CADPS2: variants seen among roughly 807,000 people sequenced by gnomAD.
CADPS2 encodes calcium-dependent secretion activator 2.
A neutral mutation model predicts 172.5 loss-of-function variants in CADPS2; 93 were observed. That is an observed-to-expected ratio of 0.54 (90% CI 0.46 to 0.64). The LOEUF is 0.64. Among genes scored for constraint, CADPS2 ranks in the 30% least tolerant of loss-of-function variants. The probability of loss-of-function intolerance (pLI) is 0.00; values close to 1 mark genes in which losing one functional copy is unlikely to be tolerated. For missense variants in CADPS2, 1,420 were observed against 1,565.9 expected, an observed-to-expected ratio of 0.91 and a Z score of 1.57; for synonymous variants, 546 against 555.2, an observed-to-expected ratio of 0.98 and a Z score of 0.23.
chr7:122,814,583 G>C (rs1424444755), intron 1 of CADPS2, among the ~76,000 whole-genome samples: 3 of 151,944 alleles, frequency 2.0e-5, no homozygotes, highest in East Asian at 3.9e-4. Flanking sequence ...AGTTTTATTG[G>C]AACACAGCCG....
At chr7:122,340,413 T>C (rs931148881) in intron 28 of CADPS2, among the ~76,000 whole-genome samples, 5 of 152,164 alleles carry the variant, frequency 3.3e-5, no homozygotes, top group African/African-American at 4.8e-5. Context: ...GCCCAATAAA[T>C]GCACAATGGT....
intron 7 of CADPS2, among the ~76,000 whole-genome samples, chr7:122,568,118 G>T (rs779308047): frequency 6.6e-6 from 1 of 152,064 alleles, no homozygotes; most frequent in Non-Finnish European, 1.5e-5. Context: ...AAAGCTGGGG[G>T]CTGGGCACAG....
At chr7:122,792,923 C>A (rs1795593087) in intron 1 of CADPS2, among the ~76,000 whole-genome samples, 1 of 152,150 alleles carries the variant, frequency 6.6e-6, no homozygotes, top group African/African-American at 2.4e-5. Flanking sequence ...TAATTCACCA[C>A]CAACTACATA....
chr7:122,590,107 C>T (rs1157121187), intron 6 of CADPS2, among the ~76,000 whole-genome samples: 2 of 151,674 alleles, frequency 1.3e-5, no homozygotes, highest in African/African-American at 2.4e-5. Context: ...AAAATCTACC[C>T]TAAAATTCAT....
At chr7:122,831,719 C>T (rs891051553) in intron 1 of CADPS2, among the ~76,000 whole-genome samples, 2 of 152,124 alleles carry the variant, frequency 1.3e-5, no homozygotes, top group Non-Finnish European at 2.9e-5. Flanking sequence ...AACTGTAGAT[C>T]CCTTTTTACT....
intron 6 of CADPS2, among the ~76,000 whole-genome samples, chr7:122,593,260 A>T (rs1041203257): frequency 3.3e-5 from 5 of 152,038 alleles, no homozygotes; most frequent in African/African-American, 1.2e-4. Context: ...AATTAGTGAT[A>T]CAAATACTAC....
At chr7:122,451,092 G>A (rs76962686) in intron 15 of CADPS2, among the ~76,000 whole-genome samples, 3,952 of 152,190 alleles carry the variant, frequency 0.026, 159 homozygotes, top group African/African-American at 0.091. Context: ...CCAGAGCTAG[G>A]GGGAAGAGAC....
intron 2 of CADPS2, chr7:122,698,616 C>A: frequency 6.2e-7 from 1 of 1,614,042 alleles, no homozygotes. Context: ...TAAGTGCAAG[C>A]CAGGTCTCTG....
At chr7:122,541,199 AT>A (rs35364064) in intron 8 of CADPS2, among the ~76,000 whole-genome samples, 2,349 of 137,998 alleles carry the variant, frequency 0.017, 34 homozygotes, top group African/African-American at 0.052. Flanking sequence ...TTATGAGATG[AT>A]TTTTTTTTTT....
intron 3 of CADPS2, among the ~76,000 whole-genome samples, chr7:122,661,806 G>C (rs1462621488): frequency 6.6e-6 from 1 of 152,150 alleles, no homozygotes; most frequent in African/African-American, 2.4e-5. Context: ...AATATCTACT[G>C]AATGTCTGAA....
intron 20 of CADPS2, among the ~76,000 whole-genome samples, chr7:122,397,224 A>G (rs554419149): frequency 7.3e-4 from 111 of 152,322 alleles, no homozygotes; most frequent in African/African-American, 2.6e-3. Context: ...GAATTTAAAG[A>G]AAATGAAGAT....
chr7:122,560,470 T>G (rs950253790), intron 7 of CADPS2, among the ~76,000 whole-genome samples: 6 of 152,190 alleles, frequency 3.9e-5, no homozygotes, highest in African/African-American at 1.2e-4. Context: ...GCTACATACA[T>G]CTCAGAGATG....
At chr7:122,379,874 GCTCTAGAAATAAA>G (rs2042785587) in intron 24 of CADPS2, among the ~76,000 whole-genome samples, 1 of 152,088 alleles carries the variant, frequency 6.6e-6, no homozygotes, top group African/African-American at 2.4e-5. Flanking sequence ...TTTTAAATGT[GCTCTAGAAATAAA>G]ATGAGCTCCC....
intron 25 of CADPS2, among the ~76,000 whole-genome samples, chr7:122,364,666 G>T (rs2040621149): frequency 6.6e-6 from 1 of 150,448 alleles, no homozygotes; most frequent in Admixed American, 6.6e-5. Context: ...GGCGGAGCTT[G>T]CAGTGAGCCG....
chr7:122,518,089 G>T (rs150040796), intron 8 of CADPS2, among the ~76,000 whole-genome samples: 1 of 151,496 alleles, frequency 6.6e-6, no homozygotes, highest in Non-Finnish European at 1.5e-5. Context: ...TGCTCCACTA[G>T]GCAATAGATT....
At chr7:122,869,553 C>T (rs563985166) in intron 1 of CADPS2, among the ~76,000 whole-genome samples, 2 of 151,262 alleles carry the variant, frequency 1.3e-5, no homozygotes, top group East Asian at 1.9e-4. Context: ...TTCATCACCA[C>T]TAGACCTGCT....
At chr7:122,692,282 G>T (rs568740535) in intron 2 of CADPS2, among the ~76,000 whole-genome samples, 1 of 152,184 alleles carries the variant, frequency 6.6e-6, no homozygotes, top group East Asian at 1.9e-4. Context: ...TGGGGGGAGG[G>T]TCCCTAGGCT....
At chr7:122,604,356 T>C (rs1257115866) in intron 6 of CADPS2, among the ~76,000 whole-genome samples, 1 of 152,264 alleles carries the variant, frequency 6.6e-6, no homozygotes, top group Non-Finnish European at 1.5e-5. Flanking sequence ...TAGTTATTAA[T>C]GTGCTTGTGT....
At chr7:122,824,256 AG>A (rs1303782763) in intron 1 of CADPS2, among the ~76,000 whole-genome samples, 3 of 152,196 alleles carry the variant, frequency 2.0e-5, no homozygotes, top group African/African-American at 7.2e-5. Flanking sequence ...ACTAAAACTG[AG>A]GGAGGATAAG....
Sources: allele counts gnomAD v4.1 joint callset (sites outside exome capture counted in the v4.1 genomes callset), GRCh38; gene constraint gnomAD v4.1.1; transcripts MANE v1.5; gene names NCBI Gene and HGNC (gene_info 2026-07-23, HGNC 2026-07-21).